The following COL19A1 variants were observed in gnomAD, a reference collection of about 807,000 sequenced individuals.
COL19A1 encodes collagen type XIX alpha 1 chain, also known as collagen alpha-1(XIX) chain.
A neutral mutation model predicts 190.2 loss-of-function variants in COL19A1; 159 were observed. The observed-to-expected ratio is 0.84, with a 90% CI of 0.73 to 0.95. The LOEUF is 0.95. COL19A1 is among the 40% of genes least tolerant of loss of function. The pLI is 0.00. For missense variants in COL19A1, 1,418 were observed against 1,431.9 expected, an observed-to-expected ratio of 0.99 and a Z score of 0.16; for synonymous variants, 509 against 458.9, an observed-to-expected ratio of 1.11 and a Z score of -1.39.
chr6:70,107,209 C>T (rs980372822), intron 16 of COL19A1, among the ~76,000 whole-genome samples: 1 of 152,130 alleles, frequency 6.6e-6, no homozygotes, highest in African/African-American at 2.4e-5. Flanking sequence ...TTCTAGTTTA[C>T]AGTTCAACTA....
chr6:70,147,382 TTAAAC>T (rs1046458317), intron 27 of COL19A1, among the ~76,000 whole-genome samples: 2 of 152,078 alleles, frequency 1.3e-5, no homozygotes, highest in African/African-American at 4.8e-5. Flanking sequence ...TTTAAAGTAT[TTAAAC>T]TATAAGGACA....
At chr6:69,971,760 T>C (rs1460621577) in intron 11 of COL19A1, among the ~76,000 whole-genome samples, 4 of 152,166 alleles carry the variant, frequency 2.6e-5, no homozygotes, top group Admixed American at 1.3e-4. Flanking sequence ...CCAATGTCAA[T>C]TTTACTTCCA....
At chr6:69,947,830 G>T (rs961468919) in intron 9 of COL19A1, among the ~76,000 whole-genome samples, 3 of 151,704 alleles carry the variant, frequency 2.0e-5, no homozygotes, top group African/African-American at 7.3e-5. Flanking sequence ...AGTCTGATAT[G>T]CAAATTCTTT....
Position 69,921,416 on chromosome 6 carries a change from A to ATAT in COL19A1, c.267-6492_267-6491insATT, listed in dbSNP as rs1390512918. On this transcript the variant is annotated intron_variant, in intron 4 of 50. Transcript: ENST00000620364. Reference sequence around the variant, plus strand: ...ATATCATATATCATATATATCATATATCATATATATCATATATATCATATA... The same window carrying ATAT: ...ATATCATATATCATATATATCATATATATTCATATATATCATATATATCATATA... Among the ~76,000 whole-genome samples the ATAT allele has an allele frequency of 4.6e-4, 36 of 77,450 alleles. 1 individual carries two copies. The highest frequency in any genetic ancestry group is 7.8e-4 in the South Asian group (2 of 2,580). 50.8% of individuals were successfully genotyped at this position (77,450 alleles called of 152,430 possible).
At position 70,163,504 on chromosome 6, in the gene COL19A1, A is replaced by G. The variant is rs1489362114; in HGVS notation, c.2400+108A>G. On this transcript the variant is annotated intron_variant, in intron 36 of 50. Coordinates refer to ENST00000620364, the MANE Select transcript of COL19A1 (RefSeq NM_001858.6). ...AAATCAAGCAAAGCCTAAAAGTAGA[A>G]ATGATGGTAGAAAGTACCTATTCTT... is the stretch of plus-strand genomic sequence containing the variant. 3.0e-6 allele frequency: 3 copies of G among 1,007,102 alleles called. No homozygotes were observed. The Admixed American group carries it at 7.2e-5, about 24-fold the overall frequency. The allele number at this position is 1,007,102 out of a possible 1,614,324, so 62.4% of individuals were successfully genotyped here.
At chr6:70,024,195 C>T (rs1014071016) in intron 12 of COL19A1, among the ~76,000 whole-genome samples, 1 of 152,112 alleles carries the variant, frequency 6.6e-6, no homozygotes, top group African/African-American at 2.4e-5. Context: ...CATCTTCTCC[C>T]CTTCCCCTCA....
chr6:70,071,360 A>C (rs1218701277), intron 15 of COL19A1, among the ~76,000 whole-genome samples: 1 of 152,046 alleles, frequency 6.6e-6, no homozygotes, highest in Non-Finnish European at 1.5e-5. Flanking sequence ...AATTTTGATT[A>C]GTTGATTTTA....
chr6:69,994,650 A>C (rs185042189), intron 11 of COL19A1, among the ~76,000 whole-genome samples: 13 of 152,282 alleles, frequency 8.5e-5, no homozygotes, highest in African/African-American at 2.9e-4. Context: ...AAATTGTCAC[A>C]TGAGTACACA....
At chr6:70,039,297 C>T (rs1029535312) in intron 14 of COL19A1, among the ~76,000 whole-genome samples, 2 of 152,164 alleles carry the variant, frequency 1.3e-5, no homozygotes, top group African/African-American at 4.8e-5. Context: ...TCTTACAGAT[C>T]TTGAGCAAAC....
chr6:70,174,165 T>C (rs139183724), intron 41 of COL19A1, among the ~76,000 whole-genome samples: 2 of 151,660 alleles, frequency 1.3e-5, no homozygotes, highest in African/African-American at 4.8e-5. Context: ...GGGTAAGAGG[T>C]TGGGGAGAAG....
chr6:70,025,196 A>G (rs1778663052), intron 12 of COL19A1, among the ~76,000 whole-genome samples: 1 of 151,886 alleles, frequency 6.6e-6, no homozygotes, highest in Non-Finnish European at 1.5e-5. Context: ...AGGCCTAGCT[A>G]ATTTTTTGTA....
chr6:70,018,692 A>G (rs1446360177), intron 11 of COL19A1, among the ~76,000 whole-genome samples: 1 of 152,158 alleles, frequency 6.6e-6, no homozygotes, highest in African/African-American at 2.4e-5. Context: ...GGGGAAAATA[A>G]GTCAGGAAAC....
chr6:70,142,783 C>T lies in COL19A1; in HGVS notation c.1589C>T (p.Ala530Val), dbSNP rs2150236032. 2 of 1,612,104 alleles carry T rather than the reference C, an allele frequency of 1.2e-6. No individual in the cohort carries two copies. Among genetic ancestry groups the T allele is most frequent in the Non-Finnish European group, 1.7e-6 (2 of 1,178,930 alleles). The change falls in exon 23 of 51, where the codon GCA becomes GTA. Residue 530 changes from alanine to valine, a missense_variant. Transcript: ENST00000620364. ...SPGLKGQQGS[A>V]GSMGPRGPPG... Reference sequence around the variant, plus strand: ...TTATTTTAGGGTCAGCAAGGATCTGCAGGCTCCATGGGACCCAGAGGACCG... The same window carrying T: ...TTATTTTAGGGTCAGCAAGGATCTGTAGGCTCCATGGGACCCAGAGGACCG...
chr6:69,912,812 G>T (rs1417646576), intron 4 of COL19A1, among the ~76,000 whole-genome samples: 2 of 152,186 alleles, frequency 1.3e-5, no homozygotes, highest in Non-Finnish European at 2.9e-5. Context: ...TAGAGGCCAG[G>T]CACGGTGGCT....
rs1037005537 is a variant in COL19A1 at position 70,185,838 on chromosome 6, A to T, written c.2856+923A>T. 2.6e-5 allele frequency among the ~76,000 whole-genome samples: 4 copies of T among 152,298 alleles called. No individual in the cohort carries two copies. In the East Asian group the frequency reaches 7.7e-4, roughly 29 times the overall value. ...TCTAGTTCGCTAACTTTTATTTATC[A>T]TTATACAAGTAATCTATAATAACTG... On this transcript the variant is annotated intron_variant, in intron 46 of 50. Coordinates refer to ENST00000620364, the MANE Select transcript of COL19A1 (RefSeq NM_001858.6).
At chr6:69,976,333 A>G (rs1285163313) in intron 11 of COL19A1, among the ~76,000 whole-genome samples, 1 of 152,230 alleles carries the variant, frequency 6.6e-6, no homozygotes, top group African/African-American at 2.4e-5. Flanking sequence ...CTATAATCCA[A>G]TATGATACTG....
At chr6:70,157,371 T>C (rs1278385307) in intron 34 of COL19A1, among the ~76,000 whole-genome samples, 1 of 152,180 alleles carries the variant, frequency 6.6e-6, no homozygotes. Flanking sequence ...TTTTCTTACA[T>C]AATTCACATT....
intron 11 of COL19A1, among the ~76,000 whole-genome samples, chr6:69,988,981 G>C (rs1404223144): frequency 6.6e-6 from 1 of 152,078 alleles, no homozygotes; most frequent in Non-Finnish European, 1.5e-5. Context: ...CTTTGCACAG[G>C]TCTGAAACCT....
chr6:69,918,812 A>G (rs947768902), intron 4 of COL19A1, among the ~76,000 whole-genome samples: 7 of 152,344 alleles, frequency 4.6e-5, no homozygotes, highest in Middle Eastern at 3.4e-3. Flanking sequence ...AATAACTTGC[A>G]GGGATTTGGG....
Sources: gnomAD v4.1 joint callset for allele counts (sites outside exome capture counted in the v4.1 genomes callset) on GRCh38, gnomAD v4.1.1 for gene constraint, MANE v1.5 for transcripts, NCBI Gene and HGNC (gene_info 2026-07-23, HGNC 2026-07-21) for gene names.